Variants in SIK2 observed in about 807,000 individuals in gnomAD.
SIK2 encodes serine/threonine-protein kinase SIK2.
Under a neutral mutation model 103.2 loss-of-function variants are expected in SIK2, and 29 were observed. The ratio of observed to expected loss-of-function variants is 0.28; its 90% CI spans 0.21 to 0.38. The LOEUF is 0.38. SIK2 is among the 10% of genes least tolerant of loss of function. The pLI, the probability that SIK2 is intolerant of heterozygous loss-of-function variation, is 1.00. For missense variants in SIK2, 879 were observed against 1,171.0 expected (o/e 0.75, Z 3.64); for synonymous variants, 412 against 446.1 (o/e 0.92, Z 0.96).
intron 3 of SIK2, among the ~76,000 whole-genome samples, chr11:111,640,722 A>ATTTTTTTTT (rs58052684): frequency 3.0e-5 from 2 of 65,944 alleles, no homozygotes; most frequent in Non-Finnish European, 4.9e-5. Flanking sequence ...GAAACAGGCA[A>ATTTTTTTTT]TTTTTTTTTT....
chr11:111,663,411 CTAGAGGGTGG>C (rs977393049), intron 3 of SIK2, among the ~76,000 whole-genome samples: 1 of 151,944 alleles, frequency 6.6e-6, no homozygotes, highest in Admixed American at 6.6e-5. Flanking sequence ...GAACCCAAGA[CTAGAGGGTGG>C]TAGAGGGTGG....
chr11:111,650,766 A>G (rs1005368746), intron 3 of SIK2, among the ~76,000 whole-genome samples: 2 of 152,154 alleles, frequency 1.3e-5, no homozygotes, highest in African/African-American at 4.8e-5. Flanking sequence ...ATAAAGTTAT[A>G]TAAGGTAGAT....
rs1281268201 is a variant in SIK2 at position 111,723,773 on chromosome 11, C to T, written c.2425C>T (p.Arg809Trp). 4.3e-6 allele frequency: 7 copies of T among 1,613,884 alleles called. No individual in the cohort carries two copies. Among genetic ancestry groups the T allele is most frequent in the African/African-American group, 1.3e-5 (1 of 74,932 alleles). Residue 809 changes from arginine to tryptophan, a missense_variant, in exon 15 of 15, where the codon CGG becomes TGG. Arg to Trp is a moderately radical substitution (Grantham distance 101). Coordinates refer to ENST00000304987, the MANE Select transcript of SIK2 (RefSeq NM_015191.3). ...LQPLPSTSGP[R>W]AAPPLPTQLQ... ...GCCCCTGCCCTCCACTTCCGGTCCC[C>T]GGGCTGCTCCTCCTCTGCCCACGCA...
intron 3 of SIK2, among the ~76,000 whole-genome samples, chr11:111,662,587 A>G (rs538589617): frequency 6.6e-6 from 1 of 152,168 alleles, no homozygotes; most frequent in East Asian, 1.9e-4. Flanking sequence ...CATCTCTACA[A>G]AAAATTAGGC....
intron 1 of SIK2, among the ~76,000 whole-genome samples, chr11:111,611,601 G>A (rs1941727126): frequency 6.6e-6 from 1 of 152,074 alleles, no homozygotes; most frequent in Non-Finnish European, 1.5e-5. Context: ...AATCATTCTA[G>A]TTTGTCCTAA....
intron 4 of SIK2, among the ~76,000 whole-genome samples, chr11:111,693,632 T>TA (rs1943000836): frequency 6.6e-6 from 1 of 152,200 alleles, no homozygotes; most frequent in African/African-American, 2.4e-5. Context: ...TAAATAAGGA[T>TA]AAAAATCTAT....
chr11:111,729,718 C>T lies in SIK2; in HGVS notation c.*5589C>T, dbSNP rs1944119675. ...GCACAGGGTGAATGTGATATTGTTC[C>T]CACAACCTTATTCTCCACTCAACAG... is the stretch of plus-strand genomic sequence containing the variant. On this transcript the variant is annotated 3_prime_UTR_variant, in exon 15 of 15. Transcript: ENST00000304987. 6.6e-6 allele frequency: 1 copy of T among 152,258 alleles called. No homozygotes were observed. The highest frequency in any genetic ancestry group is 6.5e-5 in the Admixed American group (1 of 15,284). The allele number at this position is 152,258 out of a possible 1,614,324, so 9.4% of individuals were successfully genotyped here. A position where few individuals can be genotyped will look rare whatever the true frequency, so the allele number is the denominator to read the frequency against.
chr11:111,701,363 A>T lies in SIK2; in HGVS notation c.604-89A>T. On this transcript the variant is annotated intron_variant, in intron 5 of 14. Coordinates refer to ENST00000304987, the MANE Select transcript of SIK2 (RefSeq NM_015191.3). This position sits in a 1 kb window ranked among gnomAD's most constrained non-coding sequence, Gnocchi z 4.2. ...TCCAGACAGGAATTTTTCAGTCCAT[A>T]TGATTTCAAGAGCCCTGGGGATGTT... 1 of 1,489,096 alleles carries T rather than the reference A, an allele frequency of 6.7e-7. No individual in the cohort carries two copies. The highest frequency in any genetic ancestry group is 9.0e-7 in the Non-Finnish European group (1 of 1,109,396). The allele number at this position is 1,489,096 out of a possible 1,614,324, so 92.2% of individuals were successfully genotyped here. A position where few individuals can be genotyped will look rare whatever the true frequency, so the allele number is the denominator to read the frequency against.
intron 2 of SIK2, among the ~76,000 whole-genome samples, chr11:111,619,720 C>G (rs774679179): frequency 6.6e-6 from 1 of 152,008 alleles, no homozygotes; most frequent in East Asian, 1.9e-4. Context: ...CACTTCATTC[C>G]GAATCTAGAA....
rs1337345686 is a variant in SIK2, at chr11:111,688,275, G to T, written c.478+113G>T. ...CAGCATTTCTACCTGATGACATCAG[G>T]CTATCTCAAAGTCCATTTTATTCAT... On this transcript the variant is annotated intron_variant, in intron 4 of 14. Coordinates refer to ENST00000304987, the MANE Select transcript of SIK2 (RefSeq NM_015191.3). The surrounding 1 kb of genome is among the most constrained non-coding windows in gnomAD (Gnocchi z 4.2). 4 of 1,052,302 alleles carry T rather than the reference G, an allele frequency of 3.8e-6. No individual in the cohort carries two copies. Among genetic ancestry groups the T allele is most frequent in the Non-Finnish European group, 4.2e-6 (3 of 713,112 alleles). The allele number at this position is 1,052,302 out of a possible 1,614,324, so 65.2% of individuals were successfully genotyped here. A position where few individuals can be genotyped will look rare whatever the true frequency, so the allele number is the denominator to read the frequency against.
intron 3 of SIK2, among the ~76,000 whole-genome samples, chr11:111,645,677 T>A (rs185636732): frequency 4.0e-5 from 6 of 151,736 alleles, no homozygotes; most frequent in African/African-American, 1.5e-4. Context: ...TAGCCAGGCA[T>A]GGTGGCGCAT....
At chr11:111,653,745 T>A (rs1330362199) in intron 3 of SIK2, among the ~76,000 whole-genome samples, 1 of 152,208 alleles carries the variant, frequency 6.6e-6, no homozygotes, top group Non-Finnish European at 1.5e-5. Context: ...TTCCATCCAT[T>A]TTCAGTGCCA....
At chr11:111,712,755 G>A (rs937001686) in intron 9 of SIK2, among the ~76,000 whole-genome samples, 1 of 152,154 alleles carries the variant, frequency 6.6e-6, no homozygotes, top group Non-Finnish European at 1.5e-5. Context: ...GCCAAATTGG[G>A]CTTTATTTGA....
chr11:111,612,918 AT>A (rs67555922), intron 1 of SIK2, among the ~76,000 whole-genome samples: 88,993 of 139,776 alleles, frequency 0.64, 30,900 homozygotes, highest in East Asian at 0.96. Flanking sequence ...GCAATGGGAT[AT>A]ATATATATAT....
chr11:111,656,123 G>A (rs1368948982), intron 3 of SIK2, among the ~76,000 whole-genome samples: 1 of 151,978 alleles, frequency 6.6e-6, no homozygotes, highest in African/African-American at 2.4e-5. Context: ...CTTGGGGGCA[G>A]AGGTTGCAAT....
chr11:111,635,984 C>G (rs939119206), intron 3 of SIK2, among the ~76,000 whole-genome samples: 1 of 152,116 alleles, frequency 6.6e-6, no homozygotes, highest in Admixed American at 6.5e-5. Context: ...TCATTTGTTC[C>G]CTAGTTTTCT....
At chr11:111,644,433 G>A (rs887069142) in intron 3 of SIK2, among the ~76,000 whole-genome samples, 3 of 151,266 alleles carry the variant, frequency 2.0e-5, no homozygotes, top group African/African-American at 7.3e-5. Flanking sequence ...TGAAAAAATT[G>A]TGGCCGTAAA....
intron 9 of SIK2, among the ~76,000 whole-genome samples, chr11:111,716,082 A>C (rs1943634355): frequency 6.6e-6 from 1 of 152,116 alleles, no homozygotes; most frequent in Non-Finnish European, 1.5e-5. Context: ...GATTACAGGC[A>C]TGAGCCACCA....
chr11:111,698,824 T>C (rs532439892), intron 4 of SIK2, among the ~76,000 whole-genome samples: 2 of 152,354 alleles, frequency 1.3e-5, no homozygotes, highest in East Asian at 3.9e-4. Context: ...CAGCAATTAT[T>C]GTATGTATTT....
Sources: allele counts gnomAD v4.1 joint callset (sites outside exome capture counted in the v4.1 genomes callset), GRCh38; gene constraint gnomAD v4.1.1; non-coding constraint Gnocchi (gnomAD v3.1); transcripts MANE v1.5; gene names NCBI Gene and HGNC (gene_info 2026-07-23, HGNC 2026-07-21).